The following ATP6V1E1 variants were observed in gnomAD, a reference collection of about 807,000 sequenced individuals.
ATP6V1E1 encodes V-type proton ATPase subunit E 1.
Under a neutral mutation model 35.2 loss-of-function variants are expected in ATP6V1E1, and 21 were observed. The ratio of observed to expected loss-of-function variants is 0.60; its 90% CI spans 0.42 to 0.86. ATP6V1E1 has a LOEUF of 0.86. Among genes scored for constraint, ATP6V1E1 ranks in the 40% least tolerant of loss-of-function variants. The pLI, the probability that ATP6V1E1 is intolerant of heterozygous loss-of-function variation, is 0.00. For synonymous variants in ATP6V1E1, 83 were observed against 87.8 expected (o/e 0.95, Z 0.30); for missense variants, 183 against 272.6 (o/e 0.67, Z 2.32).
chr22:17,608,290 G>C (rs1203334664), intron 4 of ATP6V1E1, among the ~76,000 whole-genome samples: 5 of 152,192 alleles, frequency 3.3e-5, no homozygotes, highest in African/African-American at 1.2e-4. Flanking sequence ...AATTTTGTTT[G>C]CAACAATTTT....
intron 4 of ATP6V1E1, among the ~76,000 whole-genome samples, chr22:17,607,898 T>C (rs74780212): frequency 0.024 from 3,651 of 152,268 alleles, 72 homozygotes; most frequent in East Asian, 0.1. Flanking sequence ...GTCCATATTC[T>C]TCAGCAGACA....
At chr22:17,624,831 A>T (rs1029170688) in intron 1 of ATP6V1E1, among the ~76,000 whole-genome samples, 1 of 152,140 alleles carries the variant, frequency 6.6e-6, no homozygotes, top group African/African-American at 2.4e-5. Context: ...AAAAAAAAAA[A>T]ATCATTTTGA....
chr22:17,628,127 G>A (rs2057931215), intron 1 of ATP6V1E1, among the ~76,000 whole-genome samples: 1 of 151,816 alleles, frequency 6.6e-6, no homozygotes, highest in Non-Finnish European at 1.5e-5. Context: ...CACCACGTCC[G>A]GCTAATTTTC....
chr22:17,606,299 A>T (rs2057786637), intron 4 of ATP6V1E1, among the ~76,000 whole-genome samples: 1 of 152,042 alleles, frequency 6.6e-6, no homozygotes, highest in African/African-American at 2.4e-5. Flanking sequence ...ACAGCTTCTT[A>T]TTCTATGGAT....
chr22:17,624,538 A>C (rs565974578), intron 1 of ATP6V1E1, among the ~76,000 whole-genome samples: 12 of 151,978 alleles, frequency 7.9e-5, no homozygotes, highest in African/African-American at 2.7e-4. Flanking sequence ...TGGGCAAGAG[A>C]GCGAGACTGT....
At chr22:17,620,584 T>C (rs938370206) in intron 1 of ATP6V1E1, among the ~76,000 whole-genome samples, 9 of 152,124 alleles carry the variant, frequency 5.9e-5, no homozygotes, top group African/African-American at 2.2e-4. Context: ...GACAGCTCTT[T>C]TTGAACATCC....
intron 1 of ATP6V1E1, among the ~76,000 whole-genome samples, chr22:17,627,488 C>A (rs1432411678): frequency 6.6e-6 from 1 of 151,882 alleles, no homozygotes; most frequent in Non-Finnish European, 1.5e-5. Flanking sequence ...CATTACAATC[C>A]ATTATGATAG....
Position 17,600,017 on chromosome 22 carries a change from A to T in ATP6V1E1, c.435+10T>A. The T allele has an allele frequency of 1.9e-6, 3 of 1,610,516 alleles. No individual in the cohort carries two copies. The highest frequency in any genetic ancestry group is 2.5e-6 in the Non-Finnish European group (3 of 1,176,998). On this transcript the variant is annotated intron_variant, in intron 6 of 8. Coordinates refer to ENST00000253413, the MANE Select transcript of ATP6V1E1 (RefSeq NM_001696.4). Reference sequence around the variant, plus strand: ...GGGAGGGAGGGAAAAAATTATCCTAAGTTCTTTACCTTTACCAGAGGGAAA... The same window carrying T: ...GGGAGGGAGGGAAAAAATTATCCTATGTTCTTTACCTTTACCAGAGGGAAA...
In ATP6V1E1 at chr22:17,598,294, A is replaced by C; in HGVS notation, c.436-6T>G. ...ATTGCCTTCTGCACTGCAGCCTGGAAGTATAGAACACAATGAGAGGTGTCA... is the reference window on the plus strand; with the variant it reads ...ATTGCCTTCTGCACTGCAGCCTGGACGTATAGAACACAATGAGAGGTGTCA... On this transcript the variant is annotated splice_region_variant and splice_polypyrimidine_tract_variant and intron_variant, in intron 6 of 8. Coordinates refer to ENST00000253413, the MANE Select transcript of ATP6V1E1 (RefSeq NM_001696.4). 1.2e-6 allele frequency: 2 copies of C among 1,606,274 alleles called. No individual in the cohort carries two copies. The highest frequency in any genetic ancestry group is 1.7e-6 in the Non-Finnish European group (2 of 1,172,962).
At chr22:17,608,024 A>G (rs998886615) in intron 4 of ATP6V1E1, among the ~76,000 whole-genome samples, 1 of 152,092 alleles carries the variant, frequency 6.6e-6, no homozygotes, top group Non-Finnish European at 1.5e-5. Flanking sequence ...TTTTTCACTC[A>G]CACTGCTCTC....
chr22:17,596,226 G>C (rs2057731539), intron 7 of ATP6V1E1, among the ~76,000 whole-genome samples: 1 of 152,204 alleles, frequency 6.6e-6, no homozygotes, highest in Admixed American at 6.6e-5. Context: ...CACTACTATG[G>C]TTTGAGTCTG....
chr22:17,602,665 A>T (rs1427593203), intron 4 of ATP6V1E1, among the ~76,000 whole-genome samples: 1 of 152,282 alleles, frequency 6.6e-6, no homozygotes, highest in East Asian at 1.9e-4. Context: ...GTGAGCCACC[A>T]CGCCTGGCCA....
intron 5 of ATP6V1E1, 21 bp from the exon 6 acceptor site, chr22:17,600,116 A>T (rs2057755191): frequency 6.2e-7 from 1 of 1,603,198 alleles, no homozygotes; most frequent in Admixed American, 1.7e-5. Context: ...TAGTAGATAC[A>T]GTCAGTAGAA....
Position 17,628,714 on chromosome 22 carries a change from GAACCC to G in ATP6V1E1, c.-84_-80del. 1 of 1,585,784 alleles carries G rather than the reference GAACCC, an allele frequency of 6.3e-7. No homozygotes were observed. Among genetic ancestry groups the G allele is most frequent in the Non-Finnish European group, 8.7e-7 (1 of 1,154,876 alleles). ...GTGAGGTGAGAGAAATCGGCAAAGG[GAACCC>G]CTGCGCAGATCTCGGGTTCCTTTAC... is the stretch of plus-strand genomic sequence containing the variant. On this transcript the variant is annotated 5_prime_UTR_variant, in exon 1 of 9. Transcript: ENST00000253413.
intron 4 of ATP6V1E1, among the ~76,000 whole-genome samples, chr22:17,611,965 A>G (rs752923917): frequency 2.0e-5 from 3 of 152,232 alleles, no homozygotes; most frequent in Non-Finnish European, 4.4e-5. Flanking sequence ...TAATTTTAGT[A>G]GCTATTATAG....
At chr22:17,614,692 G>C (rs1388367989) in intron 2 of ATP6V1E1, among the ~76,000 whole-genome samples, 1 of 151,360 alleles carries the variant, frequency 6.6e-6, no homozygotes, top group Admixed American at 6.6e-5. Context: ...AAGTTGCCTG[G>C]GCACGGTGGC....
chr22:17,628,181 G>A (rs1479820220), intron 1 of ATP6V1E1, among the ~76,000 whole-genome samples: 1 of 152,080 alleles, frequency 6.6e-6, no homozygotes. Flanking sequence ...GGCCAGGCTA[G>A]TCTCGGACTC....
At chr22:17,613,446 GATTC>G (rs2057825405) in intron 2 of ATP6V1E1, 126 bp from the exon 3 acceptor site, 1 of 719,212 alleles carries the variant, frequency 1.4e-6, no homozygotes, top group Non-Finnish European at 2.3e-6. Flanking sequence ...AATTTATTGT[GATTC>G]ATTTTCAAGG....
At chr22:17,593,220 CTT>C (rs1368874523) in intron 8 of ATP6V1E1, among the ~76,000 whole-genome samples, 3 of 151,910 alleles carry the variant, frequency 2.0e-5, no homozygotes, top group East Asian at 3.9e-4. Flanking sequence ...TGGTGAGAAA[CTT>C]AACTCATCCC....
Sources: gnomAD v4.1 joint callset for allele counts (sites outside exome capture counted in the v4.1 genomes callset) on GRCh38, gnomAD v4.1.1 for gene constraint, MANE v1.5 for transcripts, NCBI Gene and HGNC (gene_info 2026-07-23, HGNC 2026-07-21) for gene names.